The following MACROD2 variants were observed in gnomAD, a reference collection of about 807,000 sequenced individuals.
MACROD2 encodes the protein ADP-ribose glycohydrolase MACROD2.
A neutral mutation model predicts 70.4 loss-of-function variants in MACROD2; 36 were observed. That is an observed-to-expected ratio of 0.51 (90% CI 0.39 to 0.68). The LOEUF (loss-of-function observed/expected upper bound fraction) is 0.68, where lower values mean the gene tolerates loss of function less well. Ranked by LOEUF, MACROD2 falls within the 30% of genes least tolerant of loss-of-function variation. The pLI, the probability that MACROD2 is intolerant of heterozygous loss-of-function variation, is 0.00. For synonymous variants in MACROD2, 172 were observed against 178.8 expected (o/e 0.96, Z 0.30); for missense variants, 496 against 538.4 (o/e 0.92, Z 0.78).
chr20:15,072,362 A>G (rs1208490381), intron 5 of MACROD2, among the ~76,000 whole-genome samples: 2 of 152,212 alleles, frequency 1.3e-5, no homozygotes, highest in Non-Finnish European at 2.9e-5. Context: ...TTAAAGACAG[A>G]CAGGATAATT....
chr20:14,487,329 G>A (rs1257365789), intron 3 of MACROD2, among the ~76,000 whole-genome samples: 2 of 151,946 alleles, frequency 1.3e-5, no homozygotes, highest in Non-Finnish European at 2.9e-5. Context: ...ATGAATGTAT[G>A]CCATGGAGCC....
chr20:14,291,248 G>A (rs1350013997), intron 3 of MACROD2, among the ~76,000 whole-genome samples: 2 of 152,210 alleles, frequency 1.3e-5, no homozygotes, highest in Non-Finnish European at 2.9e-5. Context: ...GGGAATTTTA[G>A]TAGAGATTAT....
intron 3 of MACROD2, among the ~76,000 whole-genome samples, chr20:14,179,421 T>C (rs982303032): frequency 6.6e-6 from 1 of 152,218 alleles, no homozygotes; most frequent in African/African-American, 2.4e-5. Flanking sequence ...TGCTAAGTTT[T>C]CTATTTTTAA....
intron 6 of MACROD2, among the ~76,000 whole-genome samples, chr20:15,345,254 A>C (rs2078152971): frequency 6.6e-6 from 1 of 152,200 alleles, no homozygotes; most frequent in South Asian, 2.1e-4. Flanking sequence ...CCTTATAATT[A>C]ACTGAACCAT....
intron 5 of MACROD2, among the ~76,000 whole-genome samples, chr20:15,165,788 G>A (rs2076379651): frequency 6.6e-6 from 1 of 152,114 alleles, no homozygotes; most frequent in Non-Finnish European, 1.5e-5. Flanking sequence ...AATGAAAAGT[G>A]TAAGAATATA....
At chr20:14,457,445 A>G (rs2123004776) in intron 3 of MACROD2, among the ~76,000 whole-genome samples, 1 of 152,264 alleles carries the variant, frequency 6.6e-6, no homozygotes, top group South Asian at 2.1e-4. Flanking sequence ...TTTTAAAGAC[A>G]TACCTTTTAA....
chr20:15,074,019 G>T (rs569926912), intron 5 of MACROD2, among the ~76,000 whole-genome samples: 2 of 152,254 alleles, frequency 1.3e-5, no homozygotes, highest in African/African-American at 4.8e-5. Flanking sequence ...ATTTTACTAT[G>T]AAAATGCAAT....
intron 9 of MACROD2, among the ~76,000 whole-genome samples, chr20:15,876,299 G>A (rs138391707): frequency 0.018 from 2,731 of 151,622 alleles, 91 homozygotes; most frequent in African/African-American, 0.062. Flanking sequence ...AGTGTGTGAT[G>A]TTCCCTTCCT....
At chr20:14,862,725 A>T (rs1195781278) in intron 5 of MACROD2, among the ~76,000 whole-genome samples, 1 of 113,220 alleles carries the variant, frequency 8.8e-6, no homozygotes, top group African/African-American at 3.5e-5. Flanking sequence ...ATTTTTTTTT[A>T]ATAGAGAGGA....
At chr20:14,669,929 T>C (rs2070776103) in intron 4 of MACROD2, among the ~76,000 whole-genome samples, 2 of 151,866 alleles carry the variant, frequency 1.3e-5, no homozygotes, top group Non-Finnish European at 2.9e-5. Context: ...TGAAGATTAT[T>C]TTGGGGAATT....
chr20:14,036,789 G>A (rs944658784), intron 2 of MACROD2, among the ~76,000 whole-genome samples: 4 of 152,248 alleles, frequency 2.6e-5, no homozygotes, highest in South Asian at 2.1e-4. Flanking sequence ...TCAGCCTCCC[G>A]AGTAGCTGGG....
At chr20:14,577,947 C>T (rs1980722030) in intron 4 of MACROD2, among the ~76,000 whole-genome samples, 1 of 151,962 alleles carries the variant, frequency 6.6e-6, no homozygotes. Context: ...AAGATGAAGA[C>T]ACTTAGGCTA....
chr20:14,038,695 T>C (rs2053350983), intron 2 of MACROD2, among the ~76,000 whole-genome samples: 1 of 152,248 alleles, frequency 6.6e-6, no homozygotes, highest in Non-Finnish European at 1.5e-5. Flanking sequence ...ATGATGTTTT[T>C]AATTTAACAA....
intron 5 of MACROD2, among the ~76,000 whole-genome samples, chr20:15,122,365 AGTT>A (rs1301871992): frequency 5.3e-5 from 8 of 152,190 alleles, no homozygotes; most frequent in Non-Finnish European, 1.2e-4. Context: ...GAATAAAGCC[AGTT>A]GTTTCCTCTG....
intron 2 of MACROD2, among the ~76,000 whole-genome samples, chr20:14,009,966 G>A (rs997608732): frequency 5.9e-5 from 9 of 152,164 alleles, no homozygotes; most frequent in Non-Finnish European, 1.3e-4. Flanking sequence ...CACTGGGCCT[G>A]TCAGAAGGTA....
intron 3 of MACROD2, among the ~76,000 whole-genome samples, chr20:14,175,820 C>T (rs1393719810): frequency 6.6e-6 from 1 of 152,148 alleles, no homozygotes; most frequent in Admixed American, 6.5e-5. Context: ...AAACTGTCTT[C>T]TGAATTATGA....
At chr20:15,324,853 A>G (rs1466797685) in intron 6 of MACROD2, among the ~76,000 whole-genome samples, 2 of 152,220 alleles carry the variant, frequency 1.3e-5, no homozygotes, top group Non-Finnish European at 2.9e-5. Flanking sequence ...AATATAGGTA[A>G]GTCTTATTAC....
At position 16,050,748 on chromosome 20, in the gene MACROD2, C is replaced by A. The variant is rs1202620981; in HGVS notation, c.*872C>A. 2.0e-5 allele frequency: 3 copies of A among 152,220 alleles called. No individual in the cohort carries two copies. Among genetic ancestry groups the A allele is most frequent in the South Asian group, 4.1e-4 (2 of 4,834 alleles). 9.4% of individuals were successfully genotyped at this position (152,220 alleles called of 1,614,324 possible). On this transcript the variant is annotated 3_prime_UTR_variant, in exon 18 of 18. Coordinates refer to ENST00000684519, the MANE Select transcript of MACROD2 (RefSeq NM_001351661.2). ...AGTGCATTTAGGACCCAAACATATG[C>A]CTATGAATATCAAAAGCTCCTCCTG...
chr20:14,974,381 T>C (rs2074719097), intron 5 of MACROD2, among the ~76,000 whole-genome samples: 1 of 152,078 alleles, frequency 6.6e-6, no homozygotes, highest in Non-Finnish European at 1.5e-5. Flanking sequence ...TGTCAGGAAA[T>C]GACAATGGGT....
Sources: allele counts gnomAD v4.1 joint callset (sites outside exome capture counted in the v4.1 genomes callset), GRCh38; gene constraint gnomAD v4.1.1; transcripts MANE v1.5; gene names NCBI Gene and HGNC (gene_info 2026-07-23, HGNC 2026-07-21).